The following KIAA1217 variants were observed in gnomAD, a reference collection of about 807,000 sequenced individuals.
KIAA1217 encodes KIAA1217, also known as sickle tail protein homolog.
Under a neutral mutation model 163.9 loss-of-function variants are expected in KIAA1217, and 88 were observed. The observed-to-expected ratio is 0.54, with a 90% CI of 0.45 to 0.64. KIAA1217 has a LOEUF of 0.64. Ranked by LOEUF, KIAA1217 falls within the 30% of genes least tolerant of loss-of-function variation. KIAA1217 has a pLI of 0.00. For synonymous variants in KIAA1217, 903 were observed against 923.1 expected (o/e 0.98, Z 0.39); for missense variants, 2,372 against 2,475.0 (o/e 0.96, Z 0.88).
intron 1 of KIAA1217, among the ~76,000 whole-genome samples, chr10:23,834,401 A>G (rs1181199685): frequency 6.6e-6 from 1 of 152,164 alleles, no homozygotes; most frequent in Non-Finnish European, 1.5e-5. Context: ...TACTTTTATA[A>G]TATTTATTGA....
At position 23,727,425 on chromosome 10, in the gene KIAA1217, T is replaced by C. The variant is rs575959336; in HGVS notation, c.-321+32191T>C. ...AAATACAAAAATTAGCTGGGTGTGGTGGTGCACACCTATAATCCCAGCTAC... is the reference window on the plus strand; with the variant it reads ...AAATACAAAAATTAGCTGGGTGTGGCGGTGCACACCTATAATCCCAGCTAC... On this transcript the variant is annotated intron_variant, in intron 1 of 18. Transcript: ENST00000376462. Among the ~76,000 whole-genome samples, 20 of 151,984 alleles carry C rather than the reference T, an allele frequency of 1.3e-4. No homozygotes were observed. The South Asian group carries it at 4.2e-3, about 32-fold the overall frequency.
intron 1 of KIAA1217, among the ~76,000 whole-genome samples, chr10:23,871,358 G>A (rs1322693329): frequency 1.3e-5 from 2 of 152,026 alleles, no homozygotes; most frequent in East Asian, 3.9e-4. Context: ...CTGTTACTCT[G>A]CAGACAAACC....
At chr10:24,048,138 C>G (rs1199018378) in intron 2 of KIAA1217, among the ~76,000 whole-genome samples, 2 of 152,154 alleles carry the variant, frequency 1.3e-5, no homozygotes, top group Non-Finnish European at 2.9e-5. Context: ...AGAGCACTGG[C>G]AACTTATGCT....
intron 1 of KIAA1217, among the ~76,000 whole-genome samples, chr10:23,815,721 C>G (rs1837285684): frequency 6.6e-6 from 1 of 152,104 alleles, no homozygotes; most frequent in Non-Finnish European, 1.5e-5. Flanking sequence ...CCCCACAATG[C>G]AAAGAAAATA....
At chr10:23,724,176 C>G (rs550523420) in intron 1 of KIAA1217, among the ~76,000 whole-genome samples, 1 of 152,292 alleles carries the variant, frequency 6.6e-6, no homozygotes, top group South Asian at 2.1e-4. Context: ...CACCAGGCCC[C>G]ACCTCCAACA....
At chr10:23,787,692 T>C (rs1409945376) in intron 1 of KIAA1217, among the ~76,000 whole-genome samples, 1 of 152,174 alleles carries the variant, frequency 6.6e-6, no homozygotes, top group Non-Finnish European at 1.5e-5. Context: ...AAATTTCTAA[T>C]TCAATGTGTT....
rs34656508 is a variant in KIAA1217, at chr10:24,437,925, A to G, written c.753-461A>G. 2.5e-3 allele frequency among the ~76,000 whole-genome samples: 359 copies of G among 145,650 alleles called. 1 individual carries two copies. The highest frequency in any genetic ancestry group is 4.4e-3 in the Non-Finnish European group (287 of 65,928). ...TGAAGGCAAAAAAAAAAAAAAAAAA[A>G]GAAAAAGAAAAAAATCTTCTTTCAT... On this transcript the variant is annotated intron_variant, in intron 4 of 20. Coordinates refer to ENST00000376454, the MANE Select transcript of KIAA1217 (RefSeq NM_019590.5).
chr10:24,510,554 C>A (rs1309170477), intron 9 of KIAA1217, among the ~76,000 whole-genome samples: 1 of 152,154 alleles, frequency 6.6e-6, no homozygotes, highest in Non-Finnish European at 1.5e-5. Flanking sequence ...AAATGAGAAT[C>A]TCTCAGTTGG....
At chr10:24,392,254 A>G (rs929355841) in intron 3 of KIAA1217, among the ~76,000 whole-genome samples, 2 of 150,152 alleles carry the variant, frequency 1.3e-5, no homozygotes, top group African/African-American at 4.9e-5. Flanking sequence ...AAAAAAAAAA[A>G]GTTTTAAGGC....
intron 1 of KIAA1217, among the ~76,000 whole-genome samples, chr10:23,730,797 A>G (rs554788220): frequency 6.6e-6 from 1 of 152,190 alleles, no homozygotes; most frequent in African/African-American, 2.4e-5. Context: ...TTTCTTGTTT[A>G]TTGCTGGTAT....
rs574160466 is a variant in KIAA1217, at chr10:24,497,645, G to A, written c.1834+2449G>A. ...TGAGGTGGGAAGACTGCTTGAGCCC[G>A]AGAGGTCAAGGCTGCAGTAAGCCGA... On this transcript the variant is annotated intron_variant, in intron 8 of 20. Coordinates refer to ENST00000376454, the MANE Select transcript of KIAA1217 (RefSeq NM_019590.5). Among the ~76,000 whole-genome samples the A allele has an allele frequency of 2.9e-3, 447 of 151,638 alleles. 1 individual carries two copies. Among genetic ancestry groups the A allele is most frequent in the Middle Eastern group, 6.8e-3 (2 of 294 alleles).
chr10:24,236,072 T>A (rs1436251857), intron 2 of KIAA1217, among the ~76,000 whole-genome samples: 1 of 152,162 alleles, frequency 6.6e-6, no homozygotes, highest in African/African-American at 2.4e-5. Context: ...GCTCAATTTC[T>A]CCATTTGTAA....
At chr10:23,853,248 CT>C (rs1839452002) in intron 1 of KIAA1217, among the ~76,000 whole-genome samples, 1 of 152,042 alleles carries the variant, frequency 6.6e-6, no homozygotes, top group Non-Finnish European at 1.5e-5. Flanking sequence ...TGTCAAAGGC[CT>C]TTTGTGCATC....
chr10:24,139,593 T>C (rs1403644357), intron 2 of KIAA1217, among the ~76,000 whole-genome samples: 1 of 152,228 alleles, frequency 6.6e-6, no homozygotes, highest in East Asian at 1.9e-4. Flanking sequence ...CCCAGTCTAA[T>C]ATACTGGGCC....
intron 1 of KIAA1217, among the ~76,000 whole-genome samples, chr10:23,735,309 C>T (rs1838733801): frequency 6.6e-6 from 1 of 152,062 alleles, no homozygotes; most frequent in Non-Finnish European, 1.5e-5. Flanking sequence ...TCTCAGCTCA[C>T]TGCAACCTCC....
At chr10:24,019,890 TC>T (rs1847661673) in intron 2 of KIAA1217, among the ~76,000 whole-genome samples, 1 of 151,952 alleles carries the variant, frequency 6.6e-6, no homozygotes, top group Non-Finnish European at 1.5e-5. Context: ...TGAGAATTTT[TC>T]AGGAATAAGT....
At chr10:23,933,273 A>C (rs1344166797) in intron 1 of KIAA1217, among the ~76,000 whole-genome samples, 1 of 152,178 alleles carries the variant, frequency 6.6e-6, no homozygotes, top group Non-Finnish European at 1.5e-5. Flanking sequence ...TATTTTTTGA[A>C]AAACTTCAGA....
chr10:23,787,735 G>T (rs1232999034), intron 1 of KIAA1217, among the ~76,000 whole-genome samples: 1 of 152,100 alleles, frequency 6.6e-6, no homozygotes, highest in Non-Finnish European at 1.5e-5. Flanking sequence ...AGCCTTTCTT[G>T]TCTGATATTT....
chr10:23,824,658 A>AAAAAAAAAAT (rs1837805755), intron 1 of KIAA1217, among the ~76,000 whole-genome samples: 1 of 53,040 alleles, frequency 1.9e-5, no homozygotes, highest in Non-Finnish European at 3.6e-5. Context: ...AAATAAAAAA[A>AAAAAAAAAAT]ATATATATAT....
Sources: allele counts gnomAD v4.1 joint callset (sites outside exome capture counted in the v4.1 genomes callset), GRCh38; gene constraint gnomAD v4.1.1; transcripts MANE v1.5; gene names NCBI Gene and HGNC (gene_info 2026-07-23, HGNC 2026-07-21).